The following B4GALNT2 variants were observed in gnomAD, a reference collection of about 807,000 sequenced individuals.
B4GALNT2 encodes N-acetylneuraminylgalactosylglucosyl-glucoside beta-1,4-N- acetylgalactosaminyltransferase 2.
In B4GALNT2, 42 loss-of-function variants were observed where a neutral mutation model predicts 51.1. The observed-to-expected ratio is 0.82, with a 90% CI of 0.64 to 1.06. The LOEUF (loss-of-function observed/expected upper bound fraction) is 1.06. Ranked by LOEUF, B4GALNT2 falls within the 50% of genes least tolerant of loss-of-function variation. B4GALNT2 has a pLI of 0.00. For missense variants in B4GALNT2, 602 were observed against 633.6 expected (o/e 0.95, Z 0.54); for synonymous variants, 253 against 251.7 (o/e 1.01, Z -0.05).
chr17:49,166,310 G>T, intron 9 of B4GALNT2, 56 bp downstream of exon 9: 1 of 1,260,358 alleles, frequency 7.9e-7, no homozygotes. Context: ...GGAGAAGAGG[G>T]GAGAAGAGAG....
In B4GALNT2 at chr17:49,147,374, C is replaced by CTTTTT. The variant is rs1475311406; in HGVS notation, c.353+5205_353+5206insTTTTT. ...TTTTCTTTATTCTTTTCTTTTCTTT[C>CTTTTT]TTTCTTTTTTTTTTTTTTGAGACAA... On this transcript the variant is annotated intron_variant, in intron 3 of 10. Transcript: ENST00000393354. Among the ~76,000 whole-genome samples, 316 of 143,872 alleles carry CTTTTT rather than the reference C, an allele frequency of 2.2e-3. 4 individuals are homozygous for CTTTTT. Among genetic ancestry groups the CTTTTT allele is most frequent in the African/African-American group, 7.6e-3 (300 of 39,238 alleles). The allele number at this position is 143,872 out of a possible 152,430, so 94.4% of individuals were successfully genotyped here.
At chr17:49,169,021 C>T in intron 10 of B4GALNT2, 121 bp downstream of exon 10, 1 of 893,542 alleles carries the variant, frequency 1.1e-6, no homozygotes, top group Non-Finnish European at 1.7e-6. Flanking sequence ...GCAGTACATC[C>T]CTTTCCCCTT....
chr17:49,122,949 A>G, the B4GALNT2 span, among the ~76,000 whole-genome samples: 3 of 152,222 alleles, frequency 2.0e-5, no homozygotes, highest in Admixed American at 1.3e-4. Context: ...GCTGAGAAGG[A>G]GAGGTAGGAA....
At chr17:49,126,493 C>G in the B4GALNT2 span, among the ~76,000 whole-genome samples, 1 of 59,798 alleles carries the variant, frequency 1.7e-5, no homozygotes, top group Non-Finnish European at 3.8e-5. Context: ...CAAGAATGAT[C>G]AATAAAAAAA....
chr17:49,156,982 A>G (rs796955802), intron 5 of B4GALNT2, among the ~76,000 whole-genome samples: 9 of 152,290 alleles, frequency 5.9e-5, no homozygotes, highest in Admixed American at 3.3e-4. Flanking sequence ...TCAAGATCTT[A>G]TGGTGCTATA....
chr17:49,154,176 T>C (rs2042786179), intron 4 of B4GALNT2, among the ~76,000 whole-genome samples: 2 of 151,856 alleles, frequency 1.3e-5, no homozygotes, highest in African/African-American at 4.8e-5. Flanking sequence ...AATTTTTGTA[T>C]TTTTAGTAGA....
At chr17:49,160,530 G>A (rs752642086) in intron 6 of B4GALNT2, 25 bp from the exon 7 acceptor site, 3 of 1,601,540 alleles carry the variant, frequency 1.9e-6, no homozygotes, top group African/African-American at 1.3e-5. Context: ...TACTCCCTGT[G>A]CCATTATCTT....
intron 8 of B4GALNT2, 94 bp from the exon 9 acceptor site, chr17:49,166,020 C>A: frequency 1.4e-6 from 2 of 1,384,576 alleles, no homozygotes; most frequent in Non-Finnish European, 2.0e-6. Context: ...GTCTGGAGTG[C>A]ATGCAGCCTG....
At chr17:49,160,758 C>T in intron 7 of B4GALNT2, 117 bp downstream of exon 7, 2 of 933,382 alleles carry the variant, frequency 2.1e-6, no homozygotes, top group Admixed American at 4.1e-5. Context: ...CTCTGATATG[C>T]TCCCTGACAA....
intron 8 of B4GALNT2, 55 bp downstream of exon 8, chr17:49,164,330 G>T: frequency 6.6e-7 from 1 of 1,519,618 alleles, no homozygotes. Context: ...AGGGCCCCAG[G>T]GTCAGGTTCT....
At position 49,164,172 on chromosome 17, in the gene B4GALNT2, G is replaced by A. The variant is rs756612045; in HGVS notation, c.851G>A (p.Arg284Gln). 7 of 1,613,840 alleles carry A rather than the reference G, an allele frequency of 4.3e-6. No individual in the cohort carries two copies. The highest frequency in any genetic ancestry group is 2.2e-5 in the East Asian group (1 of 44,902). Residue 284 changes from arginine (R) to glutamine (Q), a missense_variant, in exon 8 of 11, where the codon CGA becomes CAA. Transcript: ENST00000393354. ...HKLMIMLRSIREYYPDLTVIV... is the reference protein window; with the variant it reads ...HKLMIMLRSIQEYYPDLTVIV... ...CTCATGATCATGCTCCGGAGTATTC[G>A]AGAGTATTACCCAGACTTGACCGTA...
chr17:49,121,656 G>A, the B4GALNT2 span, among the ~76,000 whole-genome samples: 1 of 152,178 alleles, frequency 6.6e-6, no homozygotes, highest in African/African-American at 2.4e-5. Context: ...AAAGGTGATA[G>A]CTGGAAATGG....
intron 9 of B4GALNT2, among the ~76,000 whole-genome samples, chr17:49,166,848 A>T (rs575758599): frequency 1.3e-5 from 2 of 152,240 alleles, no homozygotes; most frequent in East Asian, 3.9e-4. Flanking sequence ...GTGCATCTGT[A>T]GTCCAAGCTA....
chr17:49,145,082 A>G (rs988313394), intron 3 of B4GALNT2, among the ~76,000 whole-genome samples: 2 of 152,104 alleles, frequency 1.3e-5, no homozygotes, highest in African/African-American at 4.8e-5. Flanking sequence ...CTCAAATATC[A>G]GTCTCCTTTG....
At chr17:49,141,517 C>A (rs1445634868) in intron 2 of B4GALNT2, 70 bp downstream of exon 2, 4 of 1,472,176 alleles carry the variant, frequency 2.7e-6, no homozygotes, top group Non-Finnish European at 3.8e-6. Flanking sequence ...AAGTACCATG[C>A]CCTACTGTGC....
chr17:49,168,802 G>A lies in B4GALNT2; in HGVS notation c.1217G>A (p.Cys406Tyr), dbSNP rs1360549018. ...CAACCCCTGGATGGCTTCCCCAGCTGCGTGGTGACCAGTGGCGTGGTCAAC... is the reference window on the plus strand; with the variant it reads ...CAACCCCTGGATGGCTTCCCCAGCTACGTGGTGACCAGTGGCGTGGTCAAC... ...FFQPLDGFPS[C>Y]VVTSGVVNFF... Residue 406 changes from cysteine (C) to tyrosine (Y), a missense_variant, in exon 10 of 11, where the codon TGC (cysteine) becomes TAC (tyrosine). Cys to Tyr is a radical substitution (Grantham distance 194, BLOSUM62 -2). Coordinates refer to ENST00000393354, the MANE Select transcript of B4GALNT2 (RefSeq NM_001159387.2). The A allele has an allele frequency of 6.2e-7, 1 of 1,614,064 alleles. No homozygotes were observed.
chr17:49,138,319 T>C (rs1482137317), intron 1 of B4GALNT2, among the ~76,000 whole-genome samples: 1 of 152,204 alleles, frequency 6.6e-6, no homozygotes, highest in African/African-American at 2.4e-5. Context: ...CAAGATCATA[T>C]GGGCCACCTA....
intron 9 of B4GALNT2, 126 bp downstream of exon 9, chr17:49,166,380 G>A (rs1032006879): frequency 1.4e-5 from 11 of 811,972 alleles, no homozygotes; most frequent in South Asian, 1.8e-5. Flanking sequence ...GAGGGAGAGG[G>A]GCTGGTGCAG....
At chr17:49,133,298 G>T in intron 1 of B4GALNT2, 8 of 1,401,186 alleles carry the variant, frequency 5.7e-6, no homozygotes, top group South Asian at 1.6e-5. Flanking sequence ...TCCACAGTCC[G>T]CGCGGAGTCA....
Sources: allele counts gnomAD v4.1 joint callset (sites outside exome capture counted in the v4.1 genomes callset), GRCh38; gene constraint gnomAD v4.1.1; transcripts MANE v1.5; gene names NCBI Gene and HGNC (gene_info 2026-07-23, HGNC 2026-07-21).